Variants in FBXO15 observed in about 807,000 individuals in gnomAD.
FBXO15 encodes F-box protein 15.
FBXO15 carries 30 observed loss-of-function variants against 49.5 expected under a neutral mutation model. The ratio of observed to expected loss-of-function variants is 0.61; its 90% CI spans 0.45 to 0.82. The LOEUF is 0.82. FBXO15 is among the 40% of genes least tolerant of loss of function. The probability of loss-of-function intolerance (pLI) is 0.00; values close to 1 mark genes in which losing one functional copy is unlikely to be tolerated. For missense variants in FBXO15, 591 were observed against 631.5 expected, an observed-to-expected ratio of 0.94 and a Z score of 0.69; for synonymous variants, 250 against 232.7, an observed-to-expected ratio of 1.07 and a Z score of -0.68.
intron 8 of FBXO15, among the ~76,000 whole-genome samples, chr18:74,104,010 TAACTC>T (rs1555677287): frequency 6.6e-6 from 1 of 152,186 alleles, no homozygotes; most frequent in Non-Finnish European, 1.5e-5. Flanking sequence ...AATCCATTCA[TAACTC>T]TACTATGAAG....
chr18:74,137,845 C>G (rs974083068), intron 2 of FBXO15, among the ~76,000 whole-genome samples: 1 of 152,148 alleles, frequency 6.6e-6, no homozygotes, highest in African/African-American at 2.4e-5. Context: ...TTAATTTGTG[C>G]GTGTTCATTT....
intron 7 of FBXO15, among the ~76,000 whole-genome samples, chr18:74,124,110 G>A (rs1451855877): frequency 2.6e-5 from 4 of 152,104 alleles, no homozygotes; most frequent in Non-Finnish European, 4.4e-5. Context: ...GACACACACT[G>A]TCCAGACCGG....
At chr18:74,110,164 C>CATAT (rs61486308) in intron 8 of FBXO15, among the ~76,000 whole-genome samples, 13,874 of 129,400 alleles carry the variant, frequency 0.11, 856 homozygotes, top group Admixed American at 0.21. Context: ...CATATGTGTG[C>CATAT]ATATATATAT....
intron 8 of FBXO15, among the ~76,000 whole-genome samples, chr18:74,118,691 T>C (rs1292478691): frequency 1.3e-5 from 2 of 152,294 alleles, no homozygotes; most frequent in South Asian, 2.1e-4. Flanking sequence ...GCAAAAACTA[T>C]GTCTTATAAG....
At chr18:74,119,840 G>T (rs1448508480) in intron 8 of FBXO15, among the ~76,000 whole-genome samples, 1 of 152,170 alleles carries the variant, frequency 6.6e-6, no homozygotes, top group African/African-American at 2.4e-5. Flanking sequence ...CTCTGTAACG[G>T]TTCACAAGGT....
chr18:74,078,837 G>A (rs1912369234), intron 9 of FBXO15, among the ~76,000 whole-genome samples: 1 of 152,126 alleles, frequency 6.6e-6, no homozygotes, highest in Admixed American at 6.5e-5. Flanking sequence ...CAGTGTCTGG[G>A]GAGAGTGCAG....
rs546966760 is a variant in FBXO15 at position 74,088,974 on chromosome 18, C to A, written c.1139-6923G>T. ...TATTCCTATTTGTAGGTATTTTATTCTTTTTCTCTTAATTTAAGTTCTGGG... is the reference window on the plus strand; with the variant it reads ...TATTCCTATTTGTAGGTATTTTATTATTTTTCTCTTAATTTAAGTTCTGGG... On this transcript the variant is annotated intron_variant, in intron 8 of 9. Transcript: ENST00000419743. Among the ~76,000 whole-genome samples the A allele has an allele frequency of 3.9e-5, 6 of 152,132 alleles. No homozygotes were observed. The East Asian group carries it at 1.2e-3, about 29-fold the overall frequency.
intron 9 of FBXO15, among the ~76,000 whole-genome samples, chr18:74,076,954 C>T (rs1912279965): frequency 6.6e-6 from 1 of 152,226 alleles, no homozygotes; most frequent in African/African-American, 2.4e-5. Context: ...TCTCAGCATT[C>T]AGTTCGAATA....
intron 8 of FBXO15, among the ~76,000 whole-genome samples, chr18:74,116,490 A>G (rs1196603584): frequency 6.6e-6 from 1 of 151,620 alleles, no homozygotes; most frequent in Non-Finnish European, 1.5e-5. Flanking sequence ...GAATCCTGGA[A>G]ATGTCCATAC....
At chr18:74,097,068 T>G (rs1217737020) in intron 8 of FBXO15, 1 of 152,156 alleles carries the variant, frequency 6.6e-6, no homozygotes, top group East Asian at 1.9e-4. Flanking sequence ...GAGGAAGCAG[T>G]GGGAAAAGCC....
chr18:74,103,002 T>G (rs964134963), intron 8 of FBXO15, among the ~76,000 whole-genome samples: 2 of 152,052 alleles, frequency 1.3e-5, no homozygotes, highest in African/African-American at 4.8e-5. Flanking sequence ...TTGGGTTCAT[T>G]GTATACTGCT....
chr18:74,127,441 T>C (rs1978292806), intron 5 of FBXO15, among the ~76,000 whole-genome samples: 1 of 152,176 alleles, frequency 6.6e-6, no homozygotes, highest in Non-Finnish European at 1.5e-5. Context: ...ACTAGAAAGG[T>C]ATAAATTACA....
At chr18:74,127,897 T>C (rs1978295243) in intron 5 of FBXO15, among the ~76,000 whole-genome samples, 1 of 152,208 alleles carries the variant, frequency 6.6e-6, no homozygotes, top group African/African-American at 2.4e-5. Context: ...TTAGCCAGTT[T>C]GTCCTAATAT....
intron 3 of FBXO15, among the ~76,000 whole-genome samples, chr18:74,134,085 G>A (rs1431779972): frequency 6.6e-6 from 1 of 152,134 alleles, no homozygotes; most frequent in South Asian, 2.1e-4. Flanking sequence ...TTCATTCATT[G>A]ATATGTGTAT....
intron 8 of FBXO15, among the ~76,000 whole-genome samples, chr18:74,084,430 C>T (rs1055591298): frequency 6.6e-6 from 1 of 152,190 alleles, no homozygotes; most frequent in Admixed American, 6.5e-5. Flanking sequence ...GTGGCAGGGG[C>T]CTGCGCCTCA....
chr18:74,130,764 A>G, intron 3 of FBXO15, 106 bp from the exon 4 acceptor site: 1 of 1,233,254 alleles, frequency 8.1e-7, no homozygotes, highest in South Asian at 1.6e-5. Context: ...AATTCCATGA[A>G]TAAGCCAAGC....
intron 8 of FBXO15, chr18:74,098,098 C>T (rs1193660823): frequency 6.6e-6 from 1 of 152,224 alleles, no homozygotes; most frequent in African/African-American, 2.4e-5. Flanking sequence ...GAGAACACCC[C>T]ATGGGACAAA....
intron 8 of FBXO15, among the ~76,000 whole-genome samples, chr18:74,106,066 C>T (rs904268941): frequency 2.0e-5 from 3 of 152,098 alleles, no homozygotes; most frequent in African/African-American, 7.2e-5. Flanking sequence ...GAAGTATCTT[C>T]TTGCCCAGTA....
chr18:74,144,450 G>A (rs1473327550), intron 1 of FBXO15, among the ~76,000 whole-genome samples: 1 of 152,088 alleles, frequency 6.6e-6, no homozygotes, highest in East Asian at 1.9e-4. Context: ...TGCAAAAGAA[G>A]GCCAGGGAAT....
Sources: gnomAD v4.1 joint callset for allele counts (sites outside exome capture counted in the v4.1 genomes callset) on GRCh38, gnomAD v4.1.1 for gene constraint, MANE v1.5 for transcripts, NCBI Gene and HGNC (gene_info 2026-07-23, HGNC 2026-07-21) for gene names.